REPS2: variants seen among roughly 807,000 people sequenced by gnomAD.
REPS2 encodes the protein ralBP1-associated Eps domain-containing protein 2.
REPS2 carries 23 observed loss-of-function variants against 53.6 expected under a neutral mutation model. The ratio of observed to expected loss-of-function variants is 0.43; its 90% CI spans 0.31 to 0.61. REPS2 has a LOEUF of 0.61. REPS2 is among the 20% of genes least tolerant of loss of function. The pLI, the probability that REPS2 is intolerant of heterozygous loss-of-function variation, is 0.11. For missense variants in REPS2, 446 were observed against 534.9 expected (o/e 0.83, Z 1.64); for synonymous variants, 238 against 218.6 (o/e 1.09, Z -0.78).
chrX:17,007,083 T>C (rs2061370388), intron 2 of REPS2, among the ~76,000 whole-genome samples: 1 of 112,241 alleles, frequency 8.9e-6, no homozygotes, highest in South Asian at 3.6e-4. Context: ...TCCATACAGG[T>C]ATGTAGGAAC....
chrX:17,085,021 G>A (rs1300758129), intron 13 of REPS2, among the ~76,000 whole-genome samples: 4 of 111,862 alleles, frequency 3.6e-5, no homozygotes, highest in African/African-American at 9.7e-5. Context: ...TTACATTTAC[G>A]TCTTCGTTCT....
intron 2 of REPS2, among the ~76,000 whole-genome samples, chrX:17,010,155 A>G (rs1305567353): frequency 3.6e-5 from 4 of 112,141 alleles, no homozygotes; most frequent in Non-Finnish European, 5.6e-5. Context: ...AAACTGGCTC[A>G]AGAAAGTATA....
chrX:17,178,669 C>T, the REPS2 span, among the ~76,000 whole-genome samples: 2 of 111,746 alleles, frequency 1.8e-5, no homozygotes, highest in African/African-American at 6.5e-5. Context: ...GTGGCTCACG[C>T]CTGTAATCCC....
chrX:17,045,292 TA>T (rs902194844), intron 5 of REPS2, among the ~76,000 whole-genome samples: 12 of 109,773 alleles, frequency 1.1e-4, no homozygotes, highest in African/African-American at 3.6e-4. Context: ...GCAACCCAGT[TA>T]AAAAAAATCC....
At chrX:16,972,333 A>G (rs187290339) in intron 1 of REPS2, among the ~76,000 whole-genome samples, 1 of 112,325 alleles carries the variant, frequency 8.9e-6, no homozygotes, top group East Asian at 2.8e-4. Context: ...TTTTAGGAAA[A>G]CCTTGAGCAG....
In REPS2 at chrX:17,152,979, T is replaced by C. The variant is rs1463777539; in HGVS notation, c.*5498T>C. Reference sequence around the variant, plus strand: ...AACAGTAAAAAGTGTAACAGCAAAGTATATATTTGATGCCTTCTGTCTTTT... The same window carrying C: ...AACAGTAAAAAGTGTAACAGCAAAGCATATATTTGATGCCTTCTGTCTTTT... On this transcript the variant is annotated 3_prime_UTR_variant, in exon 18 of 18. Coordinates refer to ENST00000357277, the MANE Select transcript of REPS2 (RefSeq NM_004726.3). 1 of 112,708 alleles carries C rather than the reference T, an allele frequency of 8.9e-6. No homozygotes were observed. The highest frequency in any genetic ancestry group is 3.2e-5 in the African/African-American group (1 of 30,997). The allele number at this position is 112,708 out of a possible 1,213,427, so 9.3% of individuals were successfully genotyped here. A position where few individuals can be genotyped will look rare whatever the true frequency, so the allele number is the denominator to read the frequency against.
At chrX:17,055,768 C>T (rs1343472772) in intron 8 of REPS2, among the ~76,000 whole-genome samples, 5 of 90,519 alleles carry the variant, frequency 5.5e-5, no homozygotes, top group Admixed American at 1.3e-4. Context: ...TATTCTCACT[C>T]ATAGGTGGGA....
chrX:17,109,241 T>G (rs1363834609), intron 14 of REPS2, among the ~76,000 whole-genome samples: 1 of 111,014 alleles, frequency 9.0e-6, no homozygotes, highest in Non-Finnish European at 1.9e-5. Flanking sequence ...CACCCTTGGC[T>G]GCACAGTGGA....
At chrX:16,968,371 G>A (rs1317601035) in intron 1 of REPS2, among the ~76,000 whole-genome samples, 1 of 112,243 alleles carries the variant, frequency 8.9e-6, no homozygotes, top group Non-Finnish European at 1.9e-5. Context: ...CCTCCCAGAC[G>A]GGGTGGTGGC....
intron 3 of REPS2, 117 bp from the exon 4 acceptor site, chrX:17,024,942 C>T (rs1477021573): frequency 4.0e-6 from 4 of 1,003,304 alleles, no homozygotes; most frequent in Non-Finnish European, 5.6e-6. Flanking sequence ...AAACATTTCC[C>T]CCCATTTGTT....
At chrX:16,969,060 G>A (rs2060835790) in intron 1 of REPS2, among the ~76,000 whole-genome samples, 1 of 110,152 alleles carries the variant, frequency 9.1e-6, no homozygotes, top group Non-Finnish European at 1.9e-5. Flanking sequence ...GGGGCGGCTG[G>A]GCAGAGACGC....
intron 13 of REPS2, chrX:17,100,188 C>T: frequency 3.2e-6 from 2 of 615,677 alleles, no homozygotes; most frequent in South Asian, 2.4e-5. Flanking sequence ...TCTGAGAATC[C>T]CTTCCACTTT....
chrX:17,013,033 T>C (rs1425485431), intron 2 of REPS2, among the ~76,000 whole-genome samples: 2 of 112,517 alleles, frequency 1.8e-5, no homozygotes, highest in Non-Finnish European at 3.8e-5. Flanking sequence ...TGCAAAACAG[T>C]TGTTCTCCAC....
At chrX:17,137,222 A>G (rs2063382275) in intron 16 of REPS2, 1 of 112,200 alleles carries the variant, frequency 8.9e-6, no homozygotes, top group Non-Finnish European at 1.9e-5. Flanking sequence ...CACACTTTTC[A>G]TAGTGGCTGC....
At chrX:17,192,911 T>G in the REPS2 span, among the ~76,000 whole-genome samples, 1 of 112,633 alleles carries the variant, frequency 8.9e-6, no homozygotes, top group Non-Finnish European at 1.9e-5. Context: ...TGAGCATGGC[T>G]TCTTCTGCTT....
intron 13 of REPS2, among the ~76,000 whole-genome samples, chrX:17,099,170 G>A (rs1394217283): frequency 1.8e-5 from 2 of 111,410 alleles, no homozygotes; most frequent in East Asian, 2.8e-4. Flanking sequence ...CTCACAGTCC[G>A]TATTTATGGT....
intron 13 of REPS2, among the ~76,000 whole-genome samples, chrX:17,095,849 C>G (rs1014247804): frequency 9.0e-6 from 1 of 111,350 alleles, no homozygotes; most frequent in Non-Finnish European, 1.9e-5. Flanking sequence ...TTGATGCCAC[C>G]AATTCCTGAG....
intron 3 of REPS2, among the ~76,000 whole-genome samples, chrX:17,024,808 A>G (rs1263639557): frequency 1.8e-5 from 2 of 111,845 alleles, no homozygotes; most frequent in Admixed American, 9.5e-5. Context: ...TATTATTGGA[A>G]TAACCAAAAG....
the REPS2 span, among the ~76,000 whole-genome samples, chrX:17,167,429 G>A: frequency 9.1e-6 from 1 of 110,287 alleles, no homozygotes; most frequent in African/African-American, 3.3e-5. Context: ...TGTTACAGCC[G>A]CCAGACCAGT....
Sources: allele counts gnomAD v4.1 joint callset (sites outside exome capture counted in the v4.1 genomes callset), GRCh38; gene constraint gnomAD v4.1.1; transcripts MANE v1.5; gene names NCBI Gene and HGNC (gene_info 2026-07-23, HGNC 2026-07-21).